Variants in DIP2C observed in about 807,000 individuals in gnomAD.
The protein encoded by DIP2C is DIP2 acetate--CoA ligase C (putative).
Under a neutral mutation model 192.4 loss-of-function variants are expected in DIP2C, and 33 were observed. The observed-to-expected ratio is 0.17, with a 90% confidence interval of 0.13 to 0.23. DIP2C has a LOEUF of 0.23. DIP2C is among the 10% of genes least tolerant of loss of function. The pLI is 1.00. For synonymous variants in DIP2C, 979 were observed against 864.1 expected, an observed-to-expected ratio of 1.13 and a Z score of -2.33; for missense variants, 1,537 against 2,110.1, an observed-to-expected ratio of 0.73 and a Z score of 5.32.
intron 14 of DIP2C, 23 bp downstream of exon 14, chr10:387,722 A>G: frequency 6.2e-7 from 1 of 1,613,516 alleles, no homozygotes; most frequent in Non-Finnish European, 8.5e-7. Flanking sequence ...GTGGACAGAC[A>G]CGGCCGGGGG....
chr10:469,679 C>T (rs1757998489), intron 3 of DIP2C, among the ~76,000 whole-genome samples: 1 of 152,170 alleles, frequency 6.6e-6, no homozygotes, highest in South Asian at 2.1e-4. Flanking sequence ...GACTCCCCCA[C>T]TTTCAGCCCA....
chr10:650,514 G>T, intron 1 of DIP2C: 1 of 686,830 alleles, frequency 1.5e-6, no homozygotes. Flanking sequence ...CTCTTCCCCT[G>T]CCCCAGCTGG....
At chr10:377,741 A>G (rs1961801599) in intron 17 of DIP2C, among the ~76,000 whole-genome samples, 1 of 152,126 alleles carries the variant, frequency 6.6e-6, no homozygotes, top group Non-Finnish European at 1.5e-5. Context: ...CTCCCTGCGG[A>G]CACGTCTTCT....
chr10:289,556 C>G (rs1955368685), intron 32 of DIP2C, among the ~76,000 whole-genome samples: 1 of 152,164 alleles, frequency 6.6e-6, no homozygotes, highest in Non-Finnish European at 1.5e-5. Flanking sequence ...GTGTAGCCAC[C>G]ATGCCCAGCC....
chr10:573,139 G>A (rs991231869), intron 1 of DIP2C, among the ~76,000 whole-genome samples: 1 of 152,150 alleles, frequency 6.6e-6, no homozygotes, highest in Non-Finnish European at 1.5e-5. Flanking sequence ...TGTGTCTGCT[G>A]TCATAATGCA....
chr10:527,598 A>C (rs1265222144), intron 1 of DIP2C, among the ~76,000 whole-genome samples: 1 of 152,220 alleles, frequency 6.6e-6, no homozygotes, highest in Non-Finnish European at 1.5e-5. Flanking sequence ...AAATAACCAG[A>C]GATGTAAATA....
intron 1 of DIP2C, among the ~76,000 whole-genome samples, chr10:621,628 T>G (rs564073167): frequency 6.6e-6 from 1 of 152,146 alleles, no homozygotes; most frequent in South Asian, 2.1e-4. Context: ...CTCCCCTCCC[T>G]ATCTCGGGGG....
intron 3 of DIP2C, among the ~76,000 whole-genome samples, chr10:446,018 T>G (rs1968166282): frequency 8.7e-6 from 1 of 115,160 alleles, no homozygotes; most frequent in East Asian, 2.2e-4. Context: ...AGAGTCTATC[T>G]TGCACTGGAC....
chr10:337,627 T>C (rs550379078), intron 29 of DIP2C, among the ~76,000 whole-genome samples: 81 of 133,982 alleles, frequency 6.0e-4, no homozygotes, highest in South Asian at 2.8e-3. Context: ...TGTGTGTGTG[T>C]GCGCACGTGT....
chr10:541,041 AC>A (rs1847955902), intron 1 of DIP2C, among the ~76,000 whole-genome samples: 1 of 103,658 alleles, frequency 9.6e-6, no homozygotes, highest in South Asian at 2.8e-4. Context: ...GAGCCACAAC[AC>A]CCGATGCTGG....
chr10:662,709 T>C (rs974493272), intron 1 of DIP2C: 4 of 578,136 alleles, frequency 6.9e-6, no homozygotes, highest in East Asian at 2.8e-5. Flanking sequence ...GCAGAAAATA[T>C]ATACAATGTT....
intron 31 of DIP2C, among the ~76,000 whole-genome samples, chr10:324,030 G>A (rs1334324946): frequency 2.0e-5 from 3 of 152,072 alleles, no homozygotes; most frequent in Non-Finnish European, 4.4e-5. Context: ...CTGGACTCTC[G>A]CCCGCACGAC....
At chr10:422,078 T>C (rs2133161174) in intron 5 of DIP2C, among the ~76,000 whole-genome samples, 1 of 152,280 alleles carries the variant, frequency 6.6e-6, no homozygotes, top group African/African-American at 2.4e-5. Flanking sequence ...GCAGCTGAGA[T>C]ACCGGGAGGG....
At chr10:670,689 A>T (rs898814859) in intron 1 of DIP2C, among the ~76,000 whole-genome samples, 3 of 152,238 alleles carry the variant, frequency 2.0e-5, no homozygotes, top group Admixed American at 2.0e-4. Context: ...ATTTTAAGTA[A>T]TCACTAAATA....
chr10:460,453 C>A (rs1367006676), intron 3 of DIP2C, among the ~76,000 whole-genome samples: 1 of 152,100 alleles, frequency 6.6e-6, no homozygotes, highest in Non-Finnish European at 1.5e-5. Flanking sequence ...CATAAGAATT[C>A]ATTACAAAGT....
Position 541,680 on chromosome 10 carries a change from A to T in DIP2C, c.86-55150T>A, listed in dbSNP as rs537123956. ...CCACACCCGTCTCTCCTGGAACCCCAAGAGTGACCCTCCACCTGACCACCC... is the reference window on the plus strand; with the variant it reads ...CCACACCCGTCTCTCCTGGAACCCCTAGAGTGACCCTCCACCTGACCACCC... On this transcript the variant is annotated intron_variant, in intron 1 of 36. Coordinates refer to ENST00000280886, the MANE Select transcript of DIP2C (RefSeq NM_014974.3). 6.7e-5 allele frequency among the ~76,000 whole-genome samples: 5 copies of T among 74,666 alleles called. No homozygotes were observed. In the East Asian group the frequency reaches 1.9e-3, roughly 29 times the overall value. 49.0% of individuals were successfully genotyped at this position (74,666 alleles called of 152,430 possible). A position where few individuals can be genotyped will look rare whatever the true frequency, so the allele number is the denominator to read the frequency against.
At position 357,639 on chromosome 10, in the gene DIP2C, C is replaced by T. The variant is rs530376836; in HGVS notation, c.2904+189G>A. ...AAGATCTGCAGTGGTGGTCCACCACCAGCGCGCGACATCGGAGACTGTCGG... is the reference window on the plus strand; with the variant it reads ...AAGATCTGCAGTGGTGGTCCACCACTAGCGCGCGACATCGGAGACTGTCGG... On this transcript the variant is annotated intron_variant, in intron 23 of 36. Transcript: ENST00000280886. 4.0e-3 allele frequency among the ~76,000 whole-genome samples: 616 copies of T among 152,312 alleles called. 2 individuals are homozygous for T. The highest frequency in any genetic ancestry group is 0.014 in the African/African-American group (572 of 41,564).
intron 2 of DIP2C, among the ~76,000 whole-genome samples, chr10:480,844 C>A: frequency 6.6e-6 from 1 of 152,232 alleles, no homozygotes; most frequent in African/African-American, 2.4e-5. Context: ...ATCTGGAACA[C>A]AGGTGATTCA....
chr10:358,048 G>A (rs1261214919), intron 22 of DIP2C, 111 bp from the exon 23 acceptor site: 25 of 702,852 alleles, frequency 3.6e-5, no homozygotes, highest in Non-Finnish European at 7.1e-6. Context: ...GAAAGACCTG[G>A]CTTTGAATAA....
Sources: allele counts gnomAD v4.1 joint callset (sites outside exome capture counted in the v4.1 genomes callset), GRCh38; gene constraint gnomAD v4.1.1; transcripts MANE v1.5; gene names NCBI Gene and HGNC (gene_info 2026-07-23, HGNC 2026-07-21).